Variants in BCAR3 observed in about 807,000 individuals in gnomAD.
The protein encoded by BCAR3 is BCAR3 adaptor protein, NSP family member, also known as breast cancer anti-estrogen resistance protein 3.
Under a neutral mutation model 80.1 loss-of-function variants are expected in BCAR3, and 37 were observed. That is an observed-to-expected ratio of 0.46 (90% CI 0.36 to 0.61). The LOEUF is 0.61. Ranked by LOEUF, BCAR3 falls within the 20% of genes least tolerant of loss-of-function variation. The pLI is 0.00. For missense variants in BCAR3, 978 were observed against 1,068.2 expected (o/e 0.92, Z 1.18); for synonymous variants, 389 against 418.9 (o/e 0.93, Z 0.87).
intron 7 of BCAR3, among the ~76,000 whole-genome samples, chr1:93,576,837 C>A (rs1225836298): frequency 2.0e-5 from 3 of 152,186 alleles, no homozygotes; most frequent in Non-Finnish European, 2.9e-5. Flanking sequence ...AGAAGTGTTA[C>A]AACTGAGCCA....
chr1:93,750,089 C>T (rs961836432), intron 2 of BCAR3, among the ~76,000 whole-genome samples: 3 of 152,134 alleles, frequency 2.0e-5, no homozygotes, highest in Admixed American at 1.3e-4. Flanking sequence ...AAATTAGCTG[C>T]CTTCAAGAAT....
intron 2 of BCAR3, among the ~76,000 whole-genome samples, chr1:93,717,049 A>G (rs1650213574): frequency 6.6e-6 from 1 of 152,248 alleles, no homozygotes; most frequent in African/African-American, 2.4e-5. Flanking sequence ...AGAGGTTACA[A>G]GGTTGTAGAG....
At chr1:93,819,522 C>T (rs895188288) in intron 2 of BCAR3, among the ~76,000 whole-genome samples, 1 of 152,228 alleles carries the variant, frequency 6.6e-6, no homozygotes, top group Non-Finnish European at 1.5e-5. Context: ...TTGCTTCCTA[C>T]TCTTAGCTCT....
Position 93,621,115 on chromosome 1 carries a change from A to G in BCAR3, c.357+21189T>C, listed in dbSNP as rs751524416. 9.8e-5 allele frequency among the ~76,000 whole-genome samples: 15 copies of G among 152,332 alleles called. No homozygotes were observed. The Middle Eastern group carries it at 0.01, about 104-fold the overall frequency. ...GGTGGAGTCAGGAGTAACCCCACCCATTCCAGCCTGGAGAGAAAATGGTCT... is the reference window on the plus strand; with the variant it reads ...GGTGGAGTCAGGAGTAACCCCACCCGTTCCAGCCTGGAGAGAAAATGGTCT... On this transcript the variant is annotated intron_variant, in intron 3 of 11. Coordinates refer to ENST00000260502, the MANE Select transcript of BCAR3 (RefSeq NM_003567.4).
At chr1:93,608,028 T>C (rs762049611) in intron 3 of BCAR3, among the ~76,000 whole-genome samples, 3 of 152,208 alleles carry the variant, frequency 2.0e-5, no homozygotes, top group East Asian at 1.9e-4. Context: ...GCTGGATGGA[T>C]AGTTCCTCAA....
intron 2 of BCAR3, among the ~76,000 whole-genome samples, chr1:93,818,827 A>C (rs1265644127): frequency 6.6e-6 from 1 of 152,176 alleles, no homozygotes; most frequent in Non-Finnish European, 1.5e-5. Context: ...TTTAAAGAGC[A>C]GGCTAAGGAG....
intron 2 of BCAR3, among the ~76,000 whole-genome samples, chr1:93,745,725 C>A (rs899218785): frequency 3.3e-5 from 5 of 152,160 alleles, no homozygotes; most frequent in African/African-American, 1.2e-4. Flanking sequence ...ATTAGTTCCC[C>A]ATCTGAAAAG....
intron 2 of BCAR3, among the ~76,000 whole-genome samples, chr1:93,726,094 T>C (rs1237471398): frequency 6.6e-6 from 1 of 152,042 alleles, no homozygotes; most frequent in East Asian, 1.9e-4. Flanking sequence ...TGAGACAGGG[T>C]GTCACTCAGT....
At chr1:93,797,258 T>G (rs1653310648) in intron 2 of BCAR3, among the ~76,000 whole-genome samples, 1 of 152,204 alleles carries the variant, frequency 6.6e-6, no homozygotes, top group Non-Finnish European at 1.5e-5. Context: ...TATCTTTCCA[T>G]GCAGCTTCTC....
intron 2 of BCAR3, among the ~76,000 whole-genome samples, chr1:93,722,540 C>A (rs571776130): frequency 6.6e-6 from 1 of 152,112 alleles, no homozygotes; most frequent in African/African-American, 2.4e-5. Context: ...CTCTGAGGGA[C>A]GCTATTTCTC....
Position 93,562,163 on chromosome 1 carries a change from T to A in BCAR3, c.*78A>T. On this transcript the variant is annotated 3_prime_UTR_variant, in exon 12 of 12. Transcript: ENST00000260502. ...TTGTCAGATTTGCACATTATTACTTTATCAAAAACAGTAAGCTTTCCCAAA... is the reference window on the plus strand; with the variant it reads ...TTGTCAGATTTGCACATTATTACTTAATCAAAAACAGTAAGCTTTCCCAAA... The A allele has an allele frequency of 6.9e-7, 1 of 1,453,032 alleles. No homozygotes were observed. The highest frequency in any genetic ancestry group is 9.3e-7 in the Non-Finnish European group (1 of 1,070,850). 90.0% of individuals were successfully genotyped at this position (1,453,032 alleles called of 1,614,324 possible).
At chr1:93,817,318 T>A (rs1247580775) in intron 2 of BCAR3, among the ~76,000 whole-genome samples, 2 of 152,252 alleles carry the variant, frequency 1.3e-5, no homozygotes, top group East Asian at 1.9e-4. Context: ...CTGGCATTGC[T>A]CTCTGGTTTT....
chr1:93,719,338 T>TTTG, intron 2 of BCAR3, among the ~76,000 whole-genome samples: 1 of 126,954 alleles, frequency 7.9e-6, no homozygotes, highest in Non-Finnish European at 1.7e-5. Flanking sequence ...TTTCTTGTTT[T>TTTG]TTTTTTTTTT....
intron 8 of BCAR3, among the ~76,000 whole-genome samples, chr1:93,573,637 T>TATTA (rs369885815): frequency 6.9e-5 from 10 of 145,240 alleles, no homozygotes; most frequent in African/African-American, 2.3e-4. Context: ...ATTATTATTT[T>TATTA]TTTTTTTTTG....
intron 2 of BCAR3, among the ~76,000 whole-genome samples, chr1:93,815,744 C>T (rs1186441603): frequency 1.3e-5 from 2 of 152,040 alleles, no homozygotes; most frequent in Non-Finnish European, 2.9e-5. Context: ...TATAGAGATG[C>T]GCTATACACC....
chr1:93,763,984 T>C (rs1652052783), intron 2 of BCAR3, among the ~76,000 whole-genome samples: 1 of 152,282 alleles, frequency 6.6e-6, no homozygotes, highest in African/African-American at 2.4e-5. Flanking sequence ...TTGTCAAGGA[T>C]GGACTACCTT....
At chr1:93,789,346 A>G (rs1443606999) in intron 2 of BCAR3, among the ~76,000 whole-genome samples, 7 of 152,214 alleles carry the variant, frequency 4.6e-5, no homozygotes, top group Non-Finnish European at 8.8e-5. Flanking sequence ...TCTAACATGT[A>G]AAGACCTATT....
At chr1:93,653,976 C>T (rs1463334830) in intron 2 of BCAR3, among the ~76,000 whole-genome samples, 4 of 152,150 alleles carry the variant, frequency 2.6e-5, no homozygotes, top group South Asian at 2.1e-4. Context: ...GCCAGCTCCA[C>T]AATTTGCTCT....
intron 2 of BCAR3, among the ~76,000 whole-genome samples, chr1:93,748,712 A>G (rs1251218505): frequency 1.3e-5 from 2 of 152,216 alleles, no homozygotes; most frequent in African/African-American, 4.8e-5. Flanking sequence ...TGCACAATTA[A>G]TAGCACTTCA....
Sources: allele counts gnomAD v4.1 joint callset (sites outside exome capture counted in the v4.1 genomes callset), GRCh38; gene constraint gnomAD v4.1.1; transcripts MANE v1.5; gene names NCBI Gene and HGNC (gene_info 2026-07-23, HGNC 2026-07-21).